TJP1: variants seen among roughly 807,000 people sequenced by gnomAD.
The protein encoded by TJP1 is tight junction protein 1.
In TJP1, 43 loss-of-function variants were observed where a neutral mutation model predicts 194.2. The observed-to-expected ratio is 0.22, with a 90% CI of 0.17 to 0.29. TJP1 has a LOEUF of 0.29. Ranked by LOEUF, TJP1 falls within the 10% of genes least tolerant of loss-of-function variation. The probability of loss-of-function intolerance (pLI) is 1.00; values close to 1 mark genes in which losing one functional copy is unlikely to be tolerated. For synonymous variants in TJP1, 801 were observed against 779.0 expected (o/e 1.03, Z -0.47); for missense variants, 1,971 against 2,185.7 (o/e 0.90, Z 1.96).
At chr15:29,966,305 C>T (rs2056331548) in intron 1 of TJP1, among the ~76,000 whole-genome samples, 1 of 152,018 alleles carries the variant, frequency 6.6e-6, no homozygotes, top group African/African-American at 2.4e-5. Flanking sequence ...GAGTTTGAGA[C>T]GAGCCTGACC....
chr15:29,904,416 T>C (rs2053737760), intron 2 of TJP1, among the ~76,000 whole-genome samples: 1 of 152,150 alleles, frequency 6.6e-6, no homozygotes, highest in African/African-American at 2.4e-5. Context: ...CAGGACTTGA[T>C]GGTCAGTCAG....
intron 8 of TJP1, among the ~76,000 whole-genome samples, chr15:29,745,376 TA>T (rs1027612911): frequency 3.4e-5 from 5 of 148,482 alleles, no homozygotes; most frequent in African/African-American, 1.2e-4. Flanking sequence ...TTTAATTACA[TA>T]AAAAAATCTT....
At chr15:29,928,990 T>C (rs1488833269) in intron 2 of TJP1, among the ~76,000 whole-genome samples, 2 of 151,936 alleles carry the variant, frequency 1.3e-5, no homozygotes, top group Non-Finnish European at 2.9e-5. Flanking sequence ...AATAAACTAA[T>C]TGATCAAGTA....
intron 2 of TJP1, among the ~76,000 whole-genome samples, chr15:29,868,971 T>A (rs1004914555): frequency 2.0e-5 from 3 of 152,092 alleles, no homozygotes; most frequent in African/African-American, 7.2e-5. Context: ...ATTAAAAATA[T>A]ATAAGGGAAT....
chr15:29,763,573 G>T (rs746199562), intron 5 of TJP1, among the ~76,000 whole-genome samples: 1 of 151,872 alleles, frequency 6.6e-6, no homozygotes, highest in Non-Finnish European at 1.5e-5. Flanking sequence ...TTCGAGACCA[G>T]CCTGGCTAGC....
rs965102765 is a variant in TJP1 at position 29,926,873 on chromosome 15, A to G, written c.306+29359T>C. Among the ~76,000 whole-genome samples the G allele has an allele frequency of 2.0e-5, 3 of 152,324 alleles. No homozygotes were observed. In the East Asian group the frequency reaches 5.8e-4, roughly 29 times the overall value. On this transcript the variant is annotated intron_variant, in intron 2 of 28. Transcript: ENST00000356107. ...AAATGACTGACACGTTTTGAAATAA[A>G]TGTTAAAAAGATAAAAAGAAAAACT... is the stretch of plus-strand genomic sequence containing the variant.
intron 1 of TJP1, chr15:29,956,386 T>G (rs1596323972): frequency 7.8e-7 from 1 of 1,283,382 alleles, no homozygotes; most frequent in East Asian, 5.6e-5. Flanking sequence ...AAAAAAATTC[T>G]TAAAAAGGCA....
intron 2 of TJP1, among the ~76,000 whole-genome samples, chr15:29,909,331 T>C (rs2053940838): frequency 1.0e-5 from 1 of 99,464 alleles, no homozygotes; most frequent in Non-Finnish European, 1.9e-5. Context: ...GAGCATGACT[T>C]CATCTCCAAA....
At chr15:29,958,162 A>T (rs1278662005) in intron 1 of TJP1, among the ~76,000 whole-genome samples, 1 of 152,184 alleles carries the variant, frequency 6.6e-6, no homozygotes, top group Non-Finnish European at 1.5e-5. Context: ...AGACTATGCC[A>T]ATTAAATATT....
intron 1 of TJP1, among the ~76,000 whole-genome samples, chr15:29,956,521 A>G (rs2055948436): frequency 6.6e-6 from 1 of 152,222 alleles, no homozygotes; most frequent in African/African-American, 2.4e-5. Context: ...ATTCTATCAG[A>G]TACCCTTTCT....
chr15:29,821,923 G>A, intron 1 of TJP1, 79 bp downstream of exon 1: 3 of 1,164,494 alleles, frequency 2.6e-6, no homozygotes, highest in African/African-American at 1.6e-5. Flanking sequence ...GCGAGGGAGG[G>A]CGGGACGCGG....
intron 24 of TJP1, 144 bp downstream of exon 24, chr15:29,710,687 A>T: frequency 1.0e-6 from 1 of 988,724 alleles, no homozygotes; most frequent in Non-Finnish European, 1.5e-6. Flanking sequence ...ACATACTTTT[A>T]ACAAAATTCT....
intron 1 of TJP1, among the ~76,000 whole-genome samples, chr15:29,967,138 C>G (rs1425383031): frequency 6.6e-6 from 1 of 152,002 alleles, no homozygotes; most frequent in South Asian, 2.1e-4. Flanking sequence ...CTCAGCCTCC[C>G]AAGTAGCTGA....
chr15:29,831,483 A>T (rs2050834761), intron 2 of TJP1, among the ~76,000 whole-genome samples: 1 of 152,220 alleles, frequency 6.6e-6, no homozygotes, highest in Admixed American at 6.5e-5. Flanking sequence ...CAGAAATACA[A>T]GGGAAGGAGG....
chr15:29,745,016 A>G (rs927495525), intron 8 of TJP1, among the ~76,000 whole-genome samples: 4 of 152,162 alleles, frequency 2.6e-5, no homozygotes, highest in African/African-American at 9.7e-5. Flanking sequence ...GACACAATTC[A>G]TTATTATGCA....
intron 1 of TJP1, among the ~76,000 whole-genome samples, chr15:29,811,376 G>C (rs1410302944): frequency 7.4e-6 from 1 of 134,416 alleles, no homozygotes; most frequent in Non-Finnish European, 1.5e-5. Context: ...GGAAGAGGGG[G>C]GTATGATACT....
intron 8 of TJP1, among the ~76,000 whole-genome samples, chr15:29,744,471 A>G (rs2044633516): frequency 6.6e-6 from 1 of 152,324 alleles, no homozygotes; most frequent in South Asian, 2.1e-4. Context: ...GTTCATTAAT[A>G]ATTTCCCCAG....
intron 2 of TJP1, among the ~76,000 whole-genome samples, chr15:29,923,140 C>T (rs2054419815): frequency 6.6e-6 from 1 of 152,110 alleles, no homozygotes; most frequent in Non-Finnish European, 1.5e-5. Context: ...CTGACCATAC[C>T]CCTTCACCCA....
intron 15 of TJP1, 110 bp downstream of exon 15, chr15:29,732,323 A>C: frequency 3.1e-6 from 3 of 952,794 alleles, no homozygotes; most frequent in Non-Finnish European, 4.8e-6. Flanking sequence ...ATAAACTGCT[A>C]ATTTTTCACT....
Sources: gnomAD v4.1 joint callset for allele counts (sites outside exome capture counted in the v4.1 genomes callset) on GRCh38, gnomAD v4.1.1 for gene constraint, MANE v1.5 for transcripts, NCBI Gene and HGNC (gene_info 2026-07-23, HGNC 2026-07-21) for gene names.